The following CD5 variants were observed in gnomAD, a reference collection of about 807,000 sequenced individuals.
CD5 encodes the protein T-cell surface glycoprotein CD5.
A neutral mutation model predicts 60.3 loss-of-function variants in CD5; 36 were observed. The observed-to-expected ratio is 0.60, with a 90% CI of 0.46 to 0.79. The LOEUF is 0.79. Ranked by LOEUF, CD5 falls within the 30% of genes least tolerant of loss-of-function variation. The pLI, the probability that CD5 is intolerant of heterozygous loss-of-function variation, is 0.00. For synonymous variants in CD5, 230 were observed against 257.6 expected (o/e 0.89, Z 1.03); for missense variants, 540 against 630.6 (o/e 0.86, Z 1.54).
At chr11:61,110,567 G>C (rs1181884499) in intron 1 of CD5, among the ~76,000 whole-genome samples, 1 of 152,234 alleles carries the variant, frequency 6.6e-6, no homozygotes, top group East Asian at 1.9e-4. Flanking sequence ...CCAGGGTGGT[G>C]CAGGAATCAA....
In CD5 at chr11:61,125,844, G is replaced by T. The variant is rs1233522984; in HGVS notation, c.*2+3G>T. ...CATGGGGCTCAGAGGCTGTAAAGGTGAGCCCGTCTCCAGCCTGACCCCAGC... is the reference window on the plus strand; with the variant it reads ...CATGGGGCTCAGAGGCTGTAAAGGTTAGCCCGTCTCCAGCCTGACCCCAGC... On this transcript the variant is annotated splice_donor_region_variant and intron_variant, in intron 10 of 10. Coordinates refer to ENST00000347785, the MANE Select transcript of CD5 (RefSeq NM_014207.4). 6.2e-7 allele frequency: 1 copy of T among 1,600,054 alleles called. No individual in the cohort carries two copies. The highest frequency in any genetic ancestry group is 1.3e-5 in the African/African-American group (1 of 74,528).
rs1173906144 is a variant in CD5, at chr11:61,103,575, CTG to C, written c.55+967_55+968del. ...GTGTCTGTGTGCATGTGTGTGAGAA[CTG>C]TGTGTGGGGGAATGTGTGAGTCTAT... is the stretch of plus-strand genomic sequence containing the variant. On this transcript the variant is annotated intron_variant, in intron 1 of 10. Coordinates refer to ENST00000347785, the MANE Select transcript of CD5 (RefSeq NM_014207.4). Among the ~76,000 whole-genome samples the C allele has an allele frequency of 5.4e-4, 82 of 151,744 alleles. 1 individual carries two copies. The highest frequency in any genetic ancestry group is 1.9e-3 in the African/African-American group (77 of 41,348).
Position 61,120,687 on chromosome 11 carries a change from C to T in CD5, c.806-924C>T, listed in dbSNP as rs1410273875. On this transcript the variant is annotated intron_variant, in intron 5 of 10. Coordinates refer to ENST00000347785, the MANE Select transcript of CD5 (RefSeq NM_014207.4). ...GTGCACAAATCTAGGAATCACTGCT[C>T]GGGGCCACCTGGCTGTCCTGCAAGC... Among the ~76,000 whole-genome samples, 7 of 152,152 alleles carry T rather than the reference C, an allele frequency of 4.6e-5. No individual in the cohort carries two copies. In the South Asian group the frequency reaches 6.2e-4, roughly 14 times the overall value.
chr11:61,114,832 A>G (rs1283067909), intron 1 of CD5, among the ~76,000 whole-genome samples: 1 of 152,056 alleles, frequency 6.6e-6, no homozygotes, highest in Non-Finnish European at 1.5e-5. Context: ...TTTAAAAGTA[A>G]CGTTTTTTAA....
the CD5 span, among the ~76,000 whole-genome samples, chr11:61,095,702 C>T: frequency 3.9e-5 from 6 of 152,070 alleles, no homozygotes; most frequent in Non-Finnish European, 8.8e-5. Flanking sequence ...TAAGACGGTA[C>T]CGTGAGGCAT....
chr11:61,109,961 C>T (rs1860829497), intron 1 of CD5, among the ~76,000 whole-genome samples: 1 of 152,014 alleles, frequency 6.6e-6, no homozygotes, highest in Non-Finnish European at 1.5e-5. Context: ...GGTCTGGAGT[C>T]TCGGGGATTC....
At chr11:61,103,722 G>GGT in intron 1 of CD5, among the ~76,000 whole-genome samples, 2 of 148,898 alleles carry the variant, frequency 1.3e-5, no homozygotes, top group African/African-American at 5.0e-5. Context: ...GTGTGTAGGG[G>GGT]AATGTGTGAG....
chr11:61,118,251 C>T lies in CD5; in HGVS notation c.171C>T (p.His57=). The change falls in exon 3 of 11, where the codon CAC becomes CAT. Residue 57 remains histidine, a synonymous_variant. Coordinates refer to ENST00000347785, the MANE Select transcript of CD5 (RefSeq NM_014207.4). This position sits in a 1 kb window ranked among gnomAD's most constrained non-coding sequence, Gnocchi z 4.7. ...QLEVYLKDGW[H]MVCSQSWGRS... ...AGGTCTACCTCAAGGACGGATGGCA[C>T]ATGGTTTGCAGCCAGAGCTGGGGCC... is the stretch of plus-strand genomic sequence containing the variant. 2 of 1,614,232 alleles carry T rather than the reference C, an allele frequency of 1.2e-6. No homozygotes were observed. The highest frequency in any genetic ancestry group is 1.1e-5 in the South Asian group (1 of 91,086).
At chr11:61,114,278 C>T (rs1860903056) in intron 1 of CD5, among the ~76,000 whole-genome samples, 1 of 152,124 alleles carries the variant, frequency 6.6e-6, no homozygotes, top group Admixed American at 6.5e-5. Flanking sequence ...TGCACGGCCT[C>T]TCTATTCTAC....
chr11:61,121,022 C>G lies in CD5; in HGVS notation c.806-589C>G, dbSNP rs928805584. ...GGCCTCAGCTACAGACTCCCAGGCCCCACCCTGGCAGGCAGAAATAAATGT... is the reference window on the plus strand; with the variant it reads ...GGCCTCAGCTACAGACTCCCAGGCCGCACCCTGGCAGGCAGAAATAAATGT... On this transcript the variant is annotated intron_variant, in intron 5 of 10. Transcript: ENST00000347785. Among the ~76,000 whole-genome samples, 9 of 152,248 alleles carry G rather than the reference C, an allele frequency of 5.9e-5. No homozygotes were observed. The South Asian group carries it at 1.7e-3, about 28-fold the overall frequency.
At chr11:61,117,421 C>T (rs1417625336) in intron 2 of CD5, among the ~76,000 whole-genome samples, 1 of 152,134 alleles carries the variant, frequency 6.6e-6, no homozygotes, top group Non-Finnish European at 1.5e-5. Flanking sequence ...TGCATGTATA[C>T]ATTTGTCAAA....
the CD5 span, among the ~76,000 whole-genome samples, chr11:61,096,921 G>A: frequency 1.3e-5 from 2 of 152,124 alleles, no homozygotes; most frequent in Non-Finnish European, 2.9e-5. Context: ...AGGAATCCAG[G>A]TTCCTCTCAG....
intron 1 of CD5, among the ~76,000 whole-genome samples, chr11:61,108,329 A>G (rs925221894): frequency 2.0e-5 from 3 of 152,214 alleles, no homozygotes; most frequent in East Asian, 1.9e-4. Flanking sequence ...CTGTCCGCTC[A>G]CTGGGACAGG....
rs1861165438 is a variant in CD5 at position 61,127,439 on chromosome 11, A to G, written c.*1154A>G. ...TGGGAGCACAGGCATCAATGGTCCA[A>G]GCCGCATAATAAGTCTGGAAGAGCA... On this transcript the variant is annotated 3_prime_UTR_variant, in exon 11 of 11. Coordinates refer to ENST00000347785, the MANE Select transcript of CD5 (RefSeq NM_014207.4). 6.6e-6 allele frequency: 1 copy of G among 152,276 alleles called. No individual in the cohort carries two copies. The highest frequency in any genetic ancestry group is 2.1e-4 in the South Asian group (1 of 4,836). 9.4% of individuals were successfully genotyped at this position (152,276 alleles called of 1,614,324 possible). A position where few individuals can be genotyped will look rare whatever the true frequency, so the allele number is the denominator to read the frequency against.
upstream of CD5, among the ~76,000 whole-genome samples, chr11:61,100,316 C>G (rs1318608224): frequency 2.9e-5 from 4 of 140,066 alleles, no homozygotes; most frequent in Admixed American, 7.2e-5. Context: ...AGATCACACA[C>G]ACACGACATG....
rs1019400552 is a variant in CD5, at chr11:61,117,754, T to C, written c.95-421T>C. On this transcript the variant is annotated intron_variant, in intron 2 of 10. Coordinates refer to ENST00000347785, the MANE Select transcript of CD5 (RefSeq NM_014207.4). ...CCTCAGGTGATCTGCCCGCCTCAGC[T>C]TCCCAAAGTGCTGGGATTACAGGCA... is the stretch of plus-strand genomic sequence containing the variant. 7.2e-5 allele frequency among the ~76,000 whole-genome samples: 11 copies of C among 152,218 alleles called. No homozygotes were observed. The East Asian group carries it at 1.7e-3, about 24-fold the overall frequency.
intron 1 of CD5, among the ~76,000 whole-genome samples, chr11:61,106,687 CTGTG>C (rs139279627): frequency 8.6e-5 from 13 of 151,558 alleles, no homozygotes; most frequent in African/African-American, 2.9e-4. Context: ...TGAACATCTA[CTGTG>C]TGTGTGTGTG....
intron 8 of CD5, 73 bp from the exon 9 acceptor site, chr11:61,124,959 T>G: frequency 6.3e-7 from 1 of 1,597,364 alleles, no homozygotes; most frequent in Non-Finnish European, 8.6e-7. Flanking sequence ...AGATTAAAGT[T>G]CTGGGCACCT....
intron 8 of CD5, 108 bp downstream of exon 8, chr11:61,124,045 C>G (rs1861111271): frequency 3.6e-6 from 3 of 839,396 alleles, no homozygotes; most frequent in South Asian, 1.4e-5. Flanking sequence ...CTGCTTGAAG[C>G]CTCTGATCTC....
Sources: allele counts gnomAD v4.1 joint callset (sites outside exome capture counted in the v4.1 genomes callset), GRCh38; gene constraint gnomAD v4.1.1; non-coding constraint Gnocchi (gnomAD v3.1); transcripts MANE v1.5; gene names NCBI Gene and HGNC (gene_info 2026-07-23, HGNC 2026-07-21).